HNRNPR: variants seen among roughly 807,000 people sequenced by gnomAD.
HNRNPR encodes heterogeneous nuclear ribonucleoprotein R.
A neutral mutation model predicts 70.3 loss-of-function variants in HNRNPR; 4 were observed. The ratio of observed to expected loss-of-function variants is 0.06; its 90% CI spans 0.03 to 0.13. The LOEUF (loss-of-function observed/expected upper bound fraction) is 0.13. Among genes scored for constraint, HNRNPR ranks in the 10% least tolerant of loss-of-function variants. The pLI, the probability that HNRNPR is intolerant of heterozygous loss-of-function variation, is 1.00. For missense variants in HNRNPR, 423 were observed against 788.5 expected, an observed-to-expected ratio of 0.54 and a Z score of 5.55; for synonymous variants, 241 against 267.6, an observed-to-expected ratio of 0.90 and a Z score of 0.97.
chr1:23,336,924 T>A (rs188214040), intron 4 of HNRNPR, among the ~76,000 whole-genome samples: 9 of 152,318 alleles, frequency 5.9e-5, no homozygotes, highest in Non-Finnish European at 4.4e-5. Flanking sequence ...TAATAATGGT[T>A]CATGGTTATA....
intron 6 of HNRNPR, among the ~76,000 whole-genome samples, chr1:23,322,406 T>C (rs1645796618): frequency 1.3e-5 from 2 of 152,186 alleles, no homozygotes; most frequent in Non-Finnish European, 2.9e-5. Context: ...CAGCTAATTT[T>C]TGTATTTTTA....
intron 4 of HNRNPR, among the ~76,000 whole-genome samples, chr1:23,335,301 T>G (rs1480476528): frequency 6.6e-6 from 1 of 152,230 alleles, no homozygotes; most frequent in African/African-American, 2.4e-5. Context: ...TTCACAGGGA[T>G]GCATGCCTTC....
At position 23,310,680 on chromosome 1, in the gene HNRNPR, C is replaced by A; in HGVS notation, c.1676G>T (p.Arg559Leu). Residue 559 changes from arginine (R) to leucine (L), a missense_variant, in exon 11 of 11, where the codon CGT becomes CTT. Coordinates refer to ENST00000302271, the MANE Select transcript of HNRNPR (RefSeq NM_005826.5). This position sits in a 1 kb window ranked among gnomAD's most constrained non-coding sequence, Gnocchi z 6.0. Reference sequence around the variant, plus strand: ...GCCCCCACGATTGCCCCGAGATCCACGGGAACCACGGCCTCTCTGCTGTTG... The same window carrying A: ...GCCCCCACGATTGCCCCGAGATCCAAGGGAACCACGGCCTCTCTGCTGTTG... The part of the protein sequence containing the change: ...PAQQQRGRGS[R>L]GSRGNRGGNV... The A allele has an allele frequency of 6.2e-7, 1 of 1,613,516 alleles. No homozygotes were observed. The highest frequency in any genetic ancestry group is 8.5e-7 in the Non-Finnish European group (1 of 1,179,712).
chr1:23,337,679 T>C (rs1646553789), intron 4 of HNRNPR, 75 bp downstream of exon 4: 1 of 906,520 alleles, frequency 1.1e-6, no homozygotes. Context: ...TGAAACTTTC[T>C]AGGAAACATG....
chr1:23,344,017 G>A (rs1327730391), intron 1 of HNRNPR, among the ~76,000 whole-genome samples, 194 bp downstream of exon 1: 1 of 152,122 alleles, frequency 6.6e-6, no homozygotes, highest in African/African-American at 2.4e-5. Flanking sequence ...GAAGAGCGAG[G>A]GCGAGAAGCG....
At chr1:23,330,611 C>T (rs1389048285) in intron 5 of HNRNPR, among the ~76,000 whole-genome samples, 1 of 152,144 alleles carries the variant, frequency 6.6e-6, no homozygotes, top group Non-Finnish European at 1.5e-5. Context: ...AAAAATACTA[C>T]AACTAGAGTA....
intron 4 of HNRNPR, among the ~76,000 whole-genome samples, chr1:23,335,002 C>T (rs1368028699): frequency 6.6e-6 from 1 of 152,064 alleles, no homozygotes; most frequent in Non-Finnish European, 1.5e-5. Flanking sequence ...ACTGCAAGCT[C>T]CGCCTCCCGG....
At position 23,321,618 on chromosome 1, in the gene HNRNPR, T is replaced by G. The variant is rs775783663; in HGVS notation, c.721A>C (p.Ile241Leu). The change falls in exon 7 of 11, where the codon ATT (isoleucine) becomes CTT (leucine). Residue 241 changes from isoleucine (I) to leucine (L), a missense_variant. Physicochemically the swap from Ile to Leu is conservative, Grantham distance 5. Coordinates refer to ENST00000302271, the MANE Select transcript of HNRNPR (RefSeq NM_005826.5). ...AAAAGTCTGTTGTTTGCCACAGAAATGCACACTCCAAGGTGTTTACCAGGG... is the reference window on the plus strand; with the variant it reads ...AAAAGTCTGTTGTTTGCCACAGAAAGGCACACTCCAAGGTGTTTACCAGGG... ...IRPGKHLGVC[I>L]SVANNRLFVG... The G allele has an allele frequency of 1.9e-6, 3 of 1,614,000 alleles. No homozygotes were observed. The highest frequency in any genetic ancestry group is 2.5e-6 in the Non-Finnish European group (3 of 1,179,916).
chr1:23,313,782 T>C, intron 8 of HNRNPR, 80 bp from the exon 9 acceptor site: 4 of 1,440,164 alleles, frequency 2.8e-6, no homozygotes, highest in East Asian at 2.4e-5. Context: ...CTTCATAGCA[T>C]AGCTTTTCTC....
intron 5 of HNRNPR, 74 bp from the exon 6 acceptor site, chr1:23,323,806 T>G: frequency 8.4e-7 from 1 of 1,193,254 alleles, no homozygotes; most frequent in Non-Finnish European, 1.2e-6. Flanking sequence ...CTGCCTTTTT[T>G]TTTTAAAGAT....
At chr1:23,313,474 GT>G in intron 9 of HNRNPR, 78 bp downstream of exon 9, 1 of 951,218 alleles carries the variant, frequency 1.1e-6, no homozygotes, top group Non-Finnish European at 1.6e-6. Flanking sequence ...TATTGTTTCA[GT>G]TTTTAAAGTT....
intron 5 of HNRNPR, among the ~76,000 whole-genome samples, chr1:23,330,376 A>C (rs997414948): frequency 3.3e-5 from 5 of 152,100 alleles, no homozygotes; most frequent in African/African-American, 9.7e-5. Flanking sequence ...CTCTCCTAAA[A>C]ATACAAAAAT....
Position 23,313,605 on chromosome 1 carries a change from T to A in HNRNPR, c.1115A>T (p.Lys372Met). ...ATGAACAAATGCATAATCTTTCAACTTCTTTACTCTTTCGAGTTTTCCAAA... is the reference window on the plus strand; with the variant it reads ...ATGAACAAATGCATAATCTTTCAACATCTTTACTCTTTCGAGTTTTCCAAA... The part of the protein sequence containing the change: ...SEFGKLERVK[K>M]LKDYAFVHFE... The change falls in exon 9 of 11, where the codon AAG becomes ATG. Residue 372 changes from lysine to methionine, a missense_variant. Lys to Met is a moderately conservative substitution (Grantham distance 95, BLOSUM62 -1). Transcript: ENST00000302271. The A allele has an allele frequency of 6.3e-7, 1 of 1,599,578 alleles. No individual in the cohort carries two copies. The highest frequency in any genetic ancestry group is 8.5e-7 in the Non-Finnish European group (1 of 1,176,258).
intron 1 of HNRNPR, among the ~76,000 whole-genome samples, chr1:23,342,951 A>C (rs1248045144): frequency 6.6e-6 from 1 of 152,256 alleles, no homozygotes; most frequent in East Asian, 1.9e-4. Flanking sequence ...AAGTTTGTAA[A>C]TTTTAACAAA....
In HNRNPR at chr1:23,318,326, C is replaced by G. The variant is rs947574123; in HGVS notation, c.1017+157G>C. On this transcript the variant is annotated intron_variant, in intron 8 of 10. Coordinates refer to ENST00000302271, the MANE Select transcript of HNRNPR (RefSeq NM_005826.5). This position sits in a 1 kb window ranked among gnomAD's most constrained non-coding sequence, Gnocchi z 4.2. ...TAATGGAAATTCCTGGATACCAAGA[C>G]AGGCTGTTAACTTTAGTGTTAAAGC... is the stretch of plus-strand genomic sequence containing the variant. Among the ~76,000 whole-genome samples, 1 of 152,222 alleles carries G rather than the reference C, an allele frequency of 6.6e-6. No homozygotes were observed. The highest frequency in any genetic ancestry group is 2.4e-5 in the African/African-American group (1 of 41,462).
chr1:23,314,084 G>A (rs1285876570), intron 8 of HNRNPR, among the ~76,000 whole-genome samples: 1 of 151,174 alleles, frequency 6.6e-6, no homozygotes, highest in East Asian at 1.9e-4. Flanking sequence ...AGAATAACCA[G>A]GAAAAAAAAG....
intron 8 of HNRNPR, among the ~76,000 whole-genome samples, chr1:23,316,210 C>T (rs1040335781): frequency 6.6e-6 from 1 of 152,156 alleles, no homozygotes; most frequent in African/African-American, 2.4e-5. Context: ...GAGGCTGAAG[C>T]AGGAGGGACG....
At chr1:23,331,052 T>C (rs1482192303) in intron 5 of HNRNPR, among the ~76,000 whole-genome samples, 1 of 152,194 alleles carries the variant, frequency 6.6e-6, no homozygotes, top group Non-Finnish European at 1.5e-5. Flanking sequence ...AATCTGAAAC[T>C]TTCCATTAGG....
chr1:23,308,483 T>C lies in HNRNPR; in HGVS notation c.*1971A>G, dbSNP rs1028595020. 36 of 152,094 alleles carry C rather than the reference T, an allele frequency of 2.4e-4. No individual in the cohort carries two copies. The allele number at this position is 152,094 out of a possible 1,614,324, so 9.4% of individuals were successfully genotyped here. A position where few individuals can be genotyped will look rare whatever the true frequency, so the allele number is the denominator to read the frequency against. ...ATAGTTACAACTTCAAATTGTACTT[T>C]CAAAGTTTAAAAGCAGCATTTAAAG... On this transcript the variant is annotated 3_prime_UTR_variant, in exon 11 of 11. Transcript: ENST00000302271.
Sources: gnomAD v4.1 joint callset for allele counts (sites outside exome capture counted in the v4.1 genomes callset) on GRCh38, gnomAD v4.1.1 for gene constraint, Gnocchi (gnomAD v3.1) non-coding constraint, MANE v1.5 for transcripts, NCBI Gene and HGNC (gene_info 2026-07-23, HGNC 2026-07-21) for gene names.